Variants in NIM1K observed in about 807,000 individuals in gnomAD.
The protein encoded by NIM1K is serine/threonine-protein kinase NIM1.
NIM1K carries 35 observed loss-of-function variants against 37.1 expected under a neutral mutation model. The observed-to-expected ratio is 0.94, with a 90% CI of 0.72 to 1.25. NIM1K has a LOEUF of 1.25. Ranked by LOEUF, NIM1K falls within the 50% of genes most tolerant of loss-of-function variation. The probability of loss-of-function intolerance (pLI) is 0.00; values close to 1 mark genes in which losing one functional copy is unlikely to be tolerated. For missense variants in NIM1K, 564 were observed against 548.0 expected, an observed-to-expected ratio of 1.03 and a Z score of -0.29; for synonymous variants, 234 against 206.6, an observed-to-expected ratio of 1.13 and a Z score of -1.14.
chr5:43,195,760 C>G (rs950409337), intron 1 of NIM1K, among the ~76,000 whole-genome samples: 1 of 151,412 alleles, frequency 6.6e-6, no homozygotes, highest in African/African-American at 2.4e-5. Context: ...TGAGCATTAG[C>G]CAAGACTTAA....
intron 1 of NIM1K, among the ~76,000 whole-genome samples, chr5:43,244,069 AT>A (rs1406738972): frequency 6.6e-6 from 1 of 152,068 alleles, no homozygotes; most frequent in Non-Finnish European, 1.5e-5. Flanking sequence ...TACTTCCCTT[AT>A]TTATGTTTAT....
intron 1 of NIM1K, among the ~76,000 whole-genome samples, chr5:43,210,820 AC>A (rs1752192723): frequency 6.6e-6 from 1 of 152,054 alleles, no homozygotes; most frequent in Non-Finnish European, 1.5e-5. Context: ...TTAAGACCCA[AC>A]CCCCCAGTGA....
chr5:43,242,366 A>G (rs567248696), intron 1 of NIM1K, among the ~76,000 whole-genome samples: 6 of 151,828 alleles, frequency 4.0e-5, no homozygotes, highest in Non-Finnish European at 7.4e-5. Context: ...CTGAAGCAGC[A>G]GCTGGGCAGG....
intron 1 of NIM1K, among the ~76,000 whole-genome samples, chr5:43,219,243 A>G (rs1752349356): frequency 6.6e-6 from 1 of 152,166 alleles, no homozygotes; most frequent in Non-Finnish European, 1.5e-5. Flanking sequence ...CAGCTTGGCC[A>G]ACATAATGAA....
At chr5:43,204,320 G>A (rs1752077382) in intron 1 of NIM1K, among the ~76,000 whole-genome samples, 2 of 150,776 alleles carry the variant, frequency 1.3e-5, no homozygotes, top group Non-Finnish European at 3.0e-5. Context: ...CTGACCTCAA[G>A]TGATTCGCCC....
chr5:43,258,734 A>G (rs758522617), intron 2 of NIM1K, among the ~76,000 whole-genome samples: 1 of 152,110 alleles, frequency 6.6e-6, no homozygotes, highest in Non-Finnish European at 1.5e-5. Flanking sequence ...TGAGCCACTG[A>G]GTCTGGCTCG....
At chr5:43,204,117 C>A (rs1187280493) in intron 1 of NIM1K, among the ~76,000 whole-genome samples, 4 of 111,802 alleles carry the variant, frequency 3.6e-5, no homozygotes, top group African/African-American at 6.8e-5. Context: ...CGGAGTCTCA[C>A]TCTGTGGCCC....
At chr5:43,227,818 A>G (rs1752481494) in intron 1 of NIM1K, among the ~76,000 whole-genome samples, 2 of 152,092 alleles carry the variant, frequency 1.3e-5, no homozygotes, top group Admixed American at 1.3e-4. Context: ...GGTTTTTTTC[A>G]CAAATGTTTT....
At chr5:43,206,239 G>A (rs1005206718) in intron 1 of NIM1K, among the ~76,000 whole-genome samples, 11 of 151,990 alleles carry the variant, frequency 7.2e-5, no homozygotes, top group Non-Finnish European at 1.3e-4. Context: ...AGAAAATACC[G>A]CCGGGCGGGG....
intron 1 of NIM1K, among the ~76,000 whole-genome samples, chr5:43,227,496 C>T (rs746425380): frequency 6.6e-6 from 1 of 152,196 alleles, no homozygotes; most frequent in Non-Finnish European, 1.5e-5. Context: ...CTGTGTAAAA[C>T]TCTCTTGAAT....
At chr5:43,217,139 C>T (rs1441633618) in intron 1 of NIM1K, among the ~76,000 whole-genome samples, 1 of 152,168 alleles carries the variant, frequency 6.6e-6, no homozygotes, top group Non-Finnish European at 1.5e-5. Context: ...AATCTCTCCC[C>T]TCATACTCCA....
chr5:43,232,360 T>C (rs1344541972), intron 1 of NIM1K: 1 of 1,348,528 alleles, frequency 7.4e-7, no homozygotes, highest in African/African-American at 1.4e-5. Context: ...ACAGGGCATA[T>C]GTGTCCAGAC....
Position 43,231,906 on chromosome 5 carries a change from G to A in NIM1K, c.-694-13176G>A. ...CTCAAGGGCAGTCATGTCCTCACTG[G>A]CCTCAGAAAACTCTCCTTCCTCCCT... On this transcript the variant is annotated intron_variant, in intron 1 of 3. Transcript: ENST00000326035. 4.8e-6 allele frequency: 5 copies of A among 1,033,518 alleles called. No homozygotes were observed. The South Asian group carries it at 5.0e-5, about 10-fold the overall frequency. 64.0% of individuals were successfully genotyped at this position (1,033,518 alleles called of 1,614,324 possible).
At chr5:43,258,087 C>T (rs1752973273) in intron 2 of NIM1K, among the ~76,000 whole-genome samples, 1 of 152,206 alleles carries the variant, frequency 6.6e-6, no homozygotes, top group Non-Finnish European at 1.5e-5. Flanking sequence ...CCTCCACCTG[C>T]TCGTCATCCT....
At chr5:43,239,113 T>C (rs1752660692) in intron 1 of NIM1K, among the ~76,000 whole-genome samples, 1 of 152,008 alleles carries the variant, frequency 6.6e-6, no homozygotes, top group South Asian at 2.1e-4. Context: ...TGCCCTTATG[T>C]AGGAATTTAG....
intron 1 of NIM1K, among the ~76,000 whole-genome samples, chr5:43,208,844 C>T (rs982382041): frequency 6.6e-6 from 1 of 152,056 alleles, no homozygotes; most frequent in Non-Finnish European, 1.5e-5. Context: ...TAAACACTGA[C>T]CTTTTAGTAT....
At chr5:43,233,349 A>G (rs893739527) in intron 1 of NIM1K, among the ~76,000 whole-genome samples, 6 of 151,808 alleles carry the variant, frequency 4.0e-5, no homozygotes, top group Non-Finnish European at 7.4e-5. Flanking sequence ...TCTTGTCCCT[A>G]ACAACTGCCA....
At chr5:43,278,344 C>T (rs1416937072) in intron 3 of NIM1K, among the ~76,000 whole-genome samples, 1 of 152,118 alleles carries the variant, frequency 6.6e-6, no homozygotes, top group East Asian at 1.9e-4. Flanking sequence ...CGTGCCTGGC[C>T]GCTTGTGTCA....
chr5:43,245,758 C>G lies in NIM1K; in HGVS notation c.-18C>G. ...ACCTGCCTCTTCGCTGAGATGGAGA[C>G]GTGAGCCCCCGTGGACGATGACTGC... On this transcript the variant is annotated 5_prime_UTR_variant, in exon 2 of 4. Transcript: ENST00000326035. The G allele has an allele frequency of 6.4e-7, 1 of 1,555,302 alleles. No homozygotes were observed. The highest frequency in any genetic ancestry group is 1.2e-5 in the South Asian group (1 of 81,590).
Sources: gnomAD v4.1 joint callset for allele counts (sites outside exome capture counted in the v4.1 genomes callset) on GRCh38, gnomAD v4.1.1 for gene constraint, MANE v1.5 for transcripts, NCBI Gene and HGNC (gene_info 2026-07-23, HGNC 2026-07-21) for gene names.